FXR1: variants seen among roughly 807,000 people sequenced by gnomAD.
The protein encoded by FXR1 is RNA-binding protein FXR1.
FXR1 carries 15 observed loss-of-function variants against 84.0 expected under a neutral mutation model. The observed-to-expected ratio is 0.18, with a 90% CI of 0.12 to 0.27. FXR1 has a LOEUF of 0.27. Ranked by LOEUF, FXR1 falls within the 10% of genes least tolerant of loss-of-function variation. FXR1 has a pLI of 1.00. For synonymous variants in FXR1, 245 were observed against 250.7 expected, an observed-to-expected ratio of 0.98 and a Z score of 0.21; for missense variants, 480 against 774.4, an observed-to-expected ratio of 0.62 and a Z score of 4.51.
chr3:180,920,517 CTT>C (rs11359852), intron 1 of FXR1, among the ~76,000 whole-genome samples: 52 of 127,252 alleles, frequency 4.1e-4, no homozygotes, highest in Admixed American at 6.3e-4. Context: ...TAGTTTTGTT[CTT>C]TTTTTTTTTT....
chr3:180,918,462 CTT>C (rs111447726), intron 1 of FXR1, among the ~76,000 whole-genome samples: 1 of 152,018 alleles, frequency 6.6e-6, no homozygotes, highest in African/African-American at 2.4e-5. Context: ...TTCAAAGTAA[CTT>C]TTAGGATAGT....
rs1714256312 is a variant in FXR1 at position 180,976,486 on chromosome 3, A to G, written c.*194A>G. The G allele has an allele frequency of 2.5e-6, 1 of 403,356 alleles. No homozygotes were observed. Among genetic ancestry groups the G allele is most frequent in the Admixed American group, 4.4e-5 (1 of 22,876 alleles). The allele number at this position is 403,356 out of a possible 1,614,324, so 25.0% of individuals were successfully genotyped here. A position where few individuals can be genotyped will look rare whatever the true frequency, so the allele number is the denominator to read the frequency against. On this transcript the variant is annotated 3_prime_UTR_variant, in exon 17 of 17. Coordinates refer to ENST00000357559, the MANE Select transcript of FXR1 (RefSeq NM_005087.4). ...ACTTTGACACCTACTGTGTTATAAAATATATCATCAGATGTGCCTTGAGAA... is the reference window on the plus strand; with the variant it reads ...ACTTTGACACCTACTGTGTTATAAAGTATATCATCAGATGTGCCTTGAGAA...
rs571365784 is a variant in FXR1, at chr3:180,974,086, A to C, written c.1604-1227A>C. ...CAGGGATTTTCTGAAACAGTTTGCAATAGAAAATACTTGAAAGAAAAAAGG... is the reference window on the plus strand; with the variant it reads ...CAGGGATTTTCTGAAACAGTTTGCACTAGAAAATACTTGAAAGAAAAAAGG... On this transcript the variant is annotated intron_variant, in intron 15 of 16. Coordinates refer to ENST00000357559, the MANE Select transcript of FXR1 (RefSeq NM_005087.4). 2.0e-5 allele frequency among the ~76,000 whole-genome samples: 3 copies of C among 152,270 alleles called. No individual in the cohort carries two copies. In the South Asian group the frequency reaches 6.2e-4, roughly 32 times the overall value.
Position 180,978,762 on chromosome 3 carries a change from A to G in FXR1, c.*2470A>G, listed in dbSNP as rs62291435. 0.17 allele frequency: 25,865 copies of G among 152,090 alleles called. 2,423 individuals carry two copies. The highest frequency in any genetic ancestry group is 0.24 in the Middle Eastern group (71 of 294). 9.4% of individuals were successfully genotyped at this position (152,090 alleles called of 1,614,324 possible). On this transcript the variant is annotated 3_prime_UTR_variant, in exon 17 of 17. Coordinates refer to ENST00000357559, the MANE Select transcript of FXR1 (RefSeq NM_005087.4). The stretch of plus-strand genomic sequence containing the variant: ...TGCAGTTGCAACAATGTTTCAGCAT[A>G]TATATGTGAATTCATATATGACACC...
chr3:180,917,621 A>G (rs546168767), intron 1 of FXR1, among the ~76,000 whole-genome samples: 1 of 152,134 alleles, frequency 6.6e-6, no homozygotes, highest in Non-Finnish European at 1.5e-5. Flanking sequence ...GGGATTTTCT[A>G]CTCTATCTTG....
intron 15 of FXR1, 25 bp downstream of exon 15, chr3:180,970,383 A>ATATATATATATATATAT (rs1713377257): frequency 2.7e-6 from 1 of 366,380 alleles, no homozygotes; most frequent in African/African-American, 3.0e-5. Flanking sequence ...AGGGAAGAGA[A>ATATATATATATATATAT]ATATATATAT....
chr3:180,942,463 TG>T (rs1721244202), intron 3 of FXR1, among the ~76,000 whole-genome samples: 1 of 150,376 alleles, frequency 6.6e-6, no homozygotes, highest in African/African-American at 2.4e-5. Context: ...GGATCCAGAT[TG>T]GAATTACATT....
At chr3:180,946,828 A>G (rs1481269271) in intron 3 of FXR1, among the ~76,000 whole-genome samples, 1 of 152,142 alleles carries the variant, frequency 6.6e-6, no homozygotes, top group Non-Finnish European at 1.5e-5. Context: ...GGTTTCCCTG[A>G]TGATCTCTGC....
At chr3:180,930,733 G>A (rs1289844820) in intron 1 of FXR1, among the ~76,000 whole-genome samples, 3 of 152,118 alleles carry the variant, frequency 2.0e-5, no homozygotes, top group African/African-American at 7.2e-5. Flanking sequence ...TGACCAAAGT[G>A]ATTTTTGAAA....
intron 3 of FXR1, among the ~76,000 whole-genome samples, chr3:180,945,847 C>T (rs1222115899): frequency 1.3e-5 from 2 of 152,174 alleles, no homozygotes; most frequent in African/African-American, 4.8e-5. Flanking sequence ...CATCATCTTT[C>T]CCTCTTCTCC....
intron 1 of FXR1, among the ~76,000 whole-genome samples, chr3:180,932,075 CAAA>C (rs4042648): frequency 4.3e-4 from 34 of 79,162 alleles, no homozygotes; most frequent in East Asian, 2.6e-3. Context: ...TTGTAAGTTT[CAAA>C]AAAAAAAAAA....
chr3:180,918,038 G>A (rs528469267), intron 1 of FXR1, among the ~76,000 whole-genome samples: 73 of 150,502 alleles, frequency 4.9e-4, no homozygotes, highest in Non-Finnish European at 9.4e-4. Flanking sequence ...ACATAATTAC[G>A]AAAAATATGA....
intron 3 of FXR1, among the ~76,000 whole-genome samples, chr3:180,940,886 T>C (rs763230240): frequency 6.6e-6 from 1 of 152,172 alleles, no homozygotes; most frequent in Non-Finnish European, 1.5e-5. Flanking sequence ...CTGATAATGT[T>C]TTTTGTAAGG....
Position 180,943,922 on chromosome 3 carries a change from CT to C in FXR1, c.199-3932del, listed in dbSNP as rs931725724. Among the ~76,000 whole-genome samples, 298 of 146,834 alleles carry C rather than the reference CT, an allele frequency of 2.0e-3. 3 individuals are homozygous for C. Among genetic ancestry groups the C allele is most frequent in the African/African-American group, 5.8e-3 (234 of 40,370 alleles). ...ACCTTCTTTTGGTTGTTAGGATATT[CT>C]TTTTTTTTTTGAGATGCAGTTTCGC... On this transcript the variant is annotated intron_variant, in intron 3 of 16. Coordinates refer to ENST00000357559, the MANE Select transcript of FXR1 (RefSeq NM_005087.4).
At chr3:180,933,941 C>T (rs1443626941) in intron 2 of FXR1, among the ~76,000 whole-genome samples, 1 of 151,732 alleles carries the variant, frequency 6.6e-6, no homozygotes, top group Non-Finnish European at 1.5e-5. Context: ...GAAACCCTGT[C>T]TCTACTAAAA....
At chr3:180,922,045 A>G (rs1472671606) in intron 1 of FXR1, among the ~76,000 whole-genome samples, 5 of 152,344 alleles carry the variant, frequency 3.3e-5, no homozygotes, top group Non-Finnish European at 7.3e-5. Context: ...CATGTGGAGT[A>G]TGATTTATTT....
intron 3 of FXR1, among the ~76,000 whole-genome samples, chr3:180,938,479 T>G (rs1281346195): frequency 1.3e-5 from 2 of 152,202 alleles, no homozygotes; most frequent in African/African-American, 4.8e-5. Flanking sequence ...TTCTGTGAAT[T>G]GTCTATTTTT....
intron 3 of FXR1, among the ~76,000 whole-genome samples, chr3:180,945,321 T>TAC (rs1363806863): frequency 6.6e-6 from 1 of 152,262 alleles, no homozygotes; most frequent in African/African-American, 2.4e-5. Context: ...TACCTTTGTA[T>TAC]ACACATCTGC....
chr3:180,917,275 T>C (rs3026190), intron 1 of FXR1, among the ~76,000 whole-genome samples: 1 of 88,152 alleles, frequency 1.1e-5, no homozygotes, highest in African/African-American at 5.1e-5. Context: ...AAATTATGCA[T>C]AGATATATTA....
Sources: gnomAD v4.1 joint callset for allele counts (sites outside exome capture counted in the v4.1 genomes callset) on GRCh38, gnomAD v4.1.1 for gene constraint, MANE v1.5 for transcripts, NCBI Gene and HGNC (gene_info 2026-07-23, HGNC 2026-07-21) for gene names.